The following TMEM164 variants were observed in gnomAD, a reference collection of about 807,000 sequenced individuals.
The protein encoded by TMEM164 is RP13-360B22.2.
Under a neutral mutation model 18.8 loss-of-function variants are expected in TMEM164, and 4 were observed. The ratio of observed to expected loss-of-function variants is 0.21; its 90% CI spans 0.10 to 0.49. The LOEUF (loss-of-function observed/expected upper bound fraction) is 0.49. Among genes scored for constraint, TMEM164 ranks in the 20% least tolerant of loss-of-function variants. The pLI is 0.98. For synonymous variants in TMEM164, 86 were observed against 101.7 expected, an observed-to-expected ratio of 0.85 and a Z score of 0.93; for missense variants, 108 against 239.9, an observed-to-expected ratio of 0.45 and a Z score of 3.63.
downstream of TMEM164, among the ~76,000 whole-genome samples, chrX:110,178,016 G>T (rs949039332): frequency 8.9e-6 from 1 of 112,135 alleles, no homozygotes; most frequent in African/African-American, 3.2e-5. Context: ...TTAGCAGAGG[G>T]CTTGTCTGCC....
At chrX:110,014,744 CTTTTTTTTT>C (rs142705177) in intron 2 of TMEM164, among the ~76,000 whole-genome samples, 4 of 54,239 alleles carry the variant, frequency 7.4e-5, no homozygotes, top group African/African-American at 3.0e-4. Flanking sequence ...TTGGTTGTTT[CTTTTTTTTT>C]TTTTTTTTTT....
rs373766280 is a variant in TMEM164, at chrX:110,140,937, C to T, written c.508-3861C>T. 2.2e-4 allele frequency among the ~76,000 whole-genome samples: 25 copies of T among 111,357 alleles called. No individual in the cohort carries two copies. In the South Asian group the frequency reaches 4.5e-3, roughly 20 times the overall value. Reference sequence around the variant, plus strand: ...GGGGAAAAGAGGGTCAGGGGAGGCTCGCTGAGAAAGTTCCCAGAACTCAGC... The same window carrying T: ...GGGGAAAAGAGGGTCAGGGGAGGCTTGCTGAGAAAGTTCCCAGAACTCAGC... On this transcript the variant is annotated intron_variant, in intron 4 of 6. Coordinates refer to ENST00000372068, the MANE Select transcript of TMEM164 (RefSeq NM_032227.4).
At chrX:110,120,843 G>T in intron 4 of TMEM164, among the ~76,000 whole-genome samples, 1 of 111,942 alleles carries the variant, frequency 8.9e-6, no homozygotes, top group Non-Finnish European at 1.9e-5. Flanking sequence ...ACATGTGGTA[G>T]TTATCTTTCT....
chrX:110,086,296 T>C (rs2065850171), intron 3 of TMEM164, among the ~76,000 whole-genome samples: 1 of 111,967 alleles, frequency 8.9e-6, no homozygotes, highest in Non-Finnish European at 1.9e-5. Flanking sequence ...AGAGCAGAGA[T>C]TGGCAACCAT....
intron 2 of TMEM164, among the ~76,000 whole-genome samples, chrX:110,058,644 T>C (rs1221148705): frequency 2.1e-5 from 2 of 93,752 alleles, no homozygotes; most frequent in East Asian, 3.3e-4. Flanking sequence ...CTCACTCTGA[T>C]GCCCAGGCTG....
intron 3 of TMEM164, among the ~76,000 whole-genome samples, chrX:110,072,606 G>A (rs1044693268): frequency 9.0e-6 from 1 of 111,109 alleles, no homozygotes; most frequent in African/African-American, 3.3e-5. Flanking sequence ...ACTTGATCTT[G>A]TCTGTTTTTG....
rs748403351 is a variant in TMEM164, at chrX:110,177,204, G to A, written c.*3753G>A. 1.8e-5 allele frequency: 2 copies of A among 113,066 alleles called. No homozygotes were observed. The highest frequency in any genetic ancestry group is 3.6e-4 in the South Asian group (1 of 2,741). The allele number at this position is 113,066 out of a possible 1,213,427, so 9.3% of individuals were successfully genotyped here. On this transcript the variant is annotated 3_prime_UTR_variant, in exon 7 of 7. Transcript: ENST00000372068. The stretch of plus-strand genomic sequence containing the variant: ...AACAAAAGTCATTTCAAACAAAGCT[G>A]TTGTTTTGAAAACTCTTGCTTTCTT...
At chrX:110,157,387 G>A (rs1167833065) in intron 5 of TMEM164, among the ~76,000 whole-genome samples, 1 of 111,672 alleles carries the variant, frequency 9.0e-6, no homozygotes, top group African/African-American at 3.3e-5. Context: ...GGGCATTAAG[G>A]AAGGAGGGGT....
At chrX:110,098,327 C>T (rs1167165913) in intron 3 of TMEM164, among the ~76,000 whole-genome samples, 1 of 111,696 alleles carries the variant, frequency 9.0e-6, no homozygotes, top group African/African-American at 3.3e-5. Flanking sequence ...GGTACCTGGA[C>T]TGCTTCCAGA....
chrX:110,072,350 T>A (rs1302514127), intron 3 of TMEM164, among the ~76,000 whole-genome samples: 1 of 108,837 alleles, frequency 9.2e-6, no homozygotes, highest in African/African-American at 3.3e-5. Context: ...TAAGATAATC[T>A]GTGAAGCCAT....
In TMEM164 at chrX:110,176,950, C is replaced by T. The variant is rs1269232355; in HGVS notation, c.*3499C>T. ...GGTCTCCTGCAGGCCCTTGTGGGCT[C>T]CTTGGCAAGGCCCCAGGCTGGGAAG... is the stretch of plus-strand genomic sequence containing the variant. On this transcript the variant is annotated 3_prime_UTR_variant, in exon 7 of 7. Transcript: ENST00000372068. 2 of 112,434 alleles carry T rather than the reference C, an allele frequency of 1.8e-5. No individual in the cohort carries two copies. Among genetic ancestry groups the T allele is most frequent in the African/African-American group, 6.5e-5 (2 of 30,904 alleles). 9.3% of individuals were successfully genotyped at this position (112,434 alleles called of 1,213,427 possible).
intron 2 of TMEM164, among the ~76,000 whole-genome samples, chrX:110,044,593 CTTTTTTTTTTTTTT>C (rs56400284): frequency 1.4e-4 from 5 of 35,956 alleles, no homozygotes; most frequent in South Asian, 5.4e-3. Flanking sequence ...CCATTCCTTG[CTTTTTTTTTTTTTT>C]TTTTTTTTTT....
chrX:110,099,333 T>A (rs2066076083), intron 3 of TMEM164, among the ~76,000 whole-genome samples: 1 of 111,011 alleles, frequency 9.0e-6, no homozygotes, highest in Non-Finnish European at 1.9e-5. Flanking sequence ...GTCTAAGAAC[T>A]GTTTGCTTAA....
intron 5 of TMEM164, among the ~76,000 whole-genome samples, chrX:110,153,810 G>C (rs943836647): frequency 1.8e-5 from 2 of 111,510 alleles, no homozygotes; most frequent in African/African-American, 6.5e-5. Flanking sequence ...GCTATCAGTA[G>C]TGTATTTTAT....
At chrX:110,100,970 A>G (rs2066102183) in intron 3 of TMEM164, among the ~76,000 whole-genome samples, 1 of 110,331 alleles carries the variant, frequency 9.1e-6, no homozygotes, top group Non-Finnish European at 1.9e-5. Flanking sequence ...CATGAGGAAT[A>G]TTGGTCTGTC....
intron 5 of TMEM164, among the ~76,000 whole-genome samples, chrX:110,147,609 CT>C (rs201481928): frequency 5.5e-5 from 6 of 109,569 alleles, no homozygotes; most frequent in African/African-American, 1.7e-4. Flanking sequence ...TATTCTCTCT[CT>C]TTTTTTTTCA....
At chrX:110,123,112 A>C (rs1008047882) in intron 4 of TMEM164, among the ~76,000 whole-genome samples, 25 of 111,728 alleles carry the variant, frequency 2.2e-4, no homozygotes, top group Non-Finnish European at 1.9e-4. Context: ...AAGGGGTCCA[A>C]ATTCATTTTT....
chrX:110,102,279 C>T (rs924746738), intron 3 of TMEM164, among the ~76,000 whole-genome samples: 5 of 110,571 alleles, frequency 4.5e-5, no homozygotes, highest in African/African-American at 9.9e-5. Flanking sequence ...GGGAGGCGGA[C>T]GTTGTAGTGA....
At chrX:110,159,168 G>A (rs2067057687) in intron 5 of TMEM164, among the ~76,000 whole-genome samples, 1 of 111,093 alleles carries the variant, frequency 9.0e-6, no homozygotes, top group African/African-American at 3.3e-5. Flanking sequence ...ATCTAGTGAG[G>A]GGATAGATAG....
Sources: allele counts gnomAD v4.1 joint callset (sites outside exome capture counted in the v4.1 genomes callset), GRCh38; gene constraint gnomAD v4.1.1; transcripts MANE v1.5; gene names NCBI Gene and HGNC (gene_info 2026-07-23, HGNC 2026-07-21).